The following MBP variants were observed in gnomAD, a reference collection of about 807,000 sequenced individuals.
MBP encodes myelin basic protein.
A neutral mutation model predicts 35.8 loss-of-function variants in MBP; 16 were observed. That is an observed-to-expected ratio of 0.45 (90% CI 0.30 to 0.68). MBP has a LOEUF of 0.68. Ranked by LOEUF, MBP falls within the 30% of genes least tolerant of loss-of-function variation. MBP has a pLI of 0.08. For missense variants in MBP, 380 were observed against 404.7 expected (o/e 0.94, Z 0.52); for synonymous variants, 143 against 159.6 (o/e 0.90, Z 0.78).
rs541129966 is a variant in MBP at position 77,128,330 on chromosome 18, C to T, written c.-26+4250G>A. The stretch of plus-strand genomic sequence containing the variant: ...TTCCATTTATAGAGCATTCTTAAAG[C>T]GACAAAATTATAGAAAATAGGAACC... On this transcript the variant is annotated intron_variant, in intron 1 of 8. Coordinates refer to ENST00000355994, the MANE Select transcript of MBP (RefSeq NM_001025101.2). 1.1e-4 allele frequency among the ~76,000 whole-genome samples: 17 copies of T among 152,162 alleles called. No homozygotes were observed. The East Asian group carries it at 1.9e-3, about 17-fold the overall frequency.
At chr18:77,056,657 C>T (rs971458087) in intron 3 of MBP, among the ~76,000 whole-genome samples, 8 of 152,196 alleles carry the variant, frequency 5.3e-5, no homozygotes, top group Non-Finnish European at 1.0e-4. Flanking sequence ...TCCCGCCTTT[C>T]GTTTCAGCAG....
chr18:77,099,964 G>A (rs1034080572), intron 2 of MBP, among the ~76,000 whole-genome samples: 2 of 152,246 alleles, frequency 1.3e-5, no homozygotes, highest in African/African-American at 4.8e-5. Context: ...CAGACATGGC[G>A]GCAAATGCCA....
intron 3 of MBP, among the ~76,000 whole-genome samples, chr18:77,022,490 G>A (rs947804333): frequency 1.3e-5 from 2 of 152,194 alleles, no homozygotes; most frequent in African/African-American, 4.8e-5. Flanking sequence ...GCACTGTAGT[G>A]TTTGAAAAAG....
chr18:77,126,438 C>T (rs1172004039), intron 1 of MBP, among the ~76,000 whole-genome samples: 1 of 152,174 alleles, frequency 6.6e-6, no homozygotes, highest in Non-Finnish European at 1.5e-5. Context: ...ATAGCTACAT[C>T]ATAATTGGTG....
Position 76,980,311 on chromosome 18 carries a change from C to A in MBP, c.*116G>T. The A allele has an allele frequency of 1.0e-6, 1 of 962,266 alleles. No individual in the cohort carries two copies. The highest frequency in any genetic ancestry group is 2.4e-5 in the East Asian group (1 of 41,934). The allele number at this position is 962,266 out of a possible 1,614,324, so 59.6% of individuals were successfully genotyped here. A position where few individuals can be genotyped will look rare whatever the true frequency, so the allele number is the denominator to read the frequency against. ...TGACCCTACTACGTGCACAACTCCG[C>A]AGGCATTAGGGGAGGGGTCATCTGC... On this transcript the variant is annotated 3_prime_UTR_variant, in exon 9 of 9. Coordinates refer to ENST00000355994, the MANE Select transcript of MBP (RefSeq NM_001025101.2).
chr18:77,044,585 CCTCCTCG>C lies in MBP; in HGVS notation c.139+21706_139+21712del, dbSNP rs1403416215. 6.6e-6 allele frequency among the ~76,000 whole-genome samples: 1 copy of C among 152,180 alleles called. No homozygotes were observed. The highest frequency in any genetic ancestry group is 6.5e-5 in the Admixed American group (1 of 15,288). Reference sequence around the variant, plus strand: ...ATCACTCGCCTCCCTACCCCACCTCCCTCCTCGCACCTGGGACGCAGGTGCCCTCCGG... The same window carrying C: ...ATCACTCGCCTCCCTACCCCACCTCCCACCTGGGACGCAGGTGCCCTCCGG... On this transcript the variant is annotated intron_variant, in intron 3 of 8. Transcript: ENST00000355994. This position sits in a 1 kb window ranked among gnomAD's most constrained non-coding sequence, Gnocchi z 4.4.
At chr18:77,109,865 G>A (rs1447577279) in intron 1 of MBP, 1 of 152,244 alleles carries the variant, frequency 6.6e-6, no homozygotes, top group Non-Finnish European at 1.5e-5. Context: ...ATAGGACACA[G>A]ATCACGCTTG....
intron 3 of MBP, among the ~76,000 whole-genome samples, chr18:77,052,164 G>C (rs114927362): frequency 0.012 from 1,888 of 152,242 alleles, 19 homozygotes; most frequent in Non-Finnish European, 0.016. Context: ...GGGAAGGAGC[G>C]GGGCGATCCA....
Position 76,980,317 on chromosome 18 carries a change from T to G in MBP, c.*110A>C. On this transcript the variant is annotated 3_prime_UTR_variant, in exon 9 of 9. Coordinates refer to ENST00000355994, the MANE Select transcript of MBP (RefSeq NM_001025101.2). Reference sequence around the variant, plus strand: ...TACTACGTGCACAACTCCGCAGGCATTAGGGGAGGGGTCATCTGCTCTAAT... The same window carrying G: ...TACTACGTGCACAACTCCGCAGGCAGTAGGGGAGGGGTCATCTGCTCTAAT... The G allele has an allele frequency of 4.1e-5, 41 of 993,072 alleles. No individual in the cohort carries two copies. Among genetic ancestry groups the G allele is most frequent in the Non-Finnish European group, 6.0e-5 (37 of 613,148 alleles). 61.5% of individuals were successfully genotyped at this position (993,072 alleles called of 1,614,324 possible).
chr18:77,016,681 C>G (rs1899443145), intron 4 of MBP, 151 bp downstream of exon 4: 1 of 1,444,636 alleles, frequency 6.9e-7, no homozygotes, highest in Non-Finnish European at 9.1e-7. Context: ...GGCCCACACT[C>G]TTGGGCTCAT....
At chr18:77,076,631 C>A (rs141951431) in intron 2 of MBP, among the ~76,000 whole-genome samples, 1 of 152,212 alleles carries the variant, frequency 6.6e-6, no homozygotes, top group Non-Finnish European at 1.5e-5. Flanking sequence ...ACTGTGCCAG[C>A]GGCTGTTTCA....
chr18:77,041,335 G>A (rs1972981314), intron 3 of MBP, among the ~76,000 whole-genome samples: 1 of 152,166 alleles, frequency 6.6e-6, no homozygotes, highest in East Asian at 1.9e-4. Flanking sequence ...TGGTGGGACT[G>A]TAAACTAGTT....
intron 2 of MBP, among the ~76,000 whole-genome samples, chr18:77,083,970 G>A (rs930750893): frequency 1.3e-4 from 19 of 151,884 alleles, no homozygotes; most frequent in South Asian, 4.2e-4. Context: ...CCTTAAGTGG[G>A]TGAATTGTAT....
chr18:77,111,072 T>C (rs1599261264), intron 1 of MBP, among the ~76,000 whole-genome samples: 1 of 152,292 alleles, frequency 6.6e-6, no homozygotes, highest in East Asian at 1.9e-4. Context: ...GACCTCTCGC[T>C]GGGTCTCGGG....
At chr18:77,093,670 T>G (rs972491104) in intron 2 of MBP, among the ~76,000 whole-genome samples, 1 of 152,212 alleles carries the variant, frequency 6.6e-6, no homozygotes, top group Non-Finnish European at 1.5e-5. Flanking sequence ...TTTGAGAGGC[T>G]GCTATCAAGG....
At chr18:77,016,238 C>G (rs1971623730) in intron 4 of MBP, 1 of 984,804 alleles carries the variant, frequency 1.0e-6, no homozygotes, top group Non-Finnish European at 1.2e-6. Context: ...TTAATGGAAT[C>G]ACAAGATAAT....
chr18:77,023,863 T>C (rs1332231192), intron 3 of MBP, among the ~76,000 whole-genome samples: 19 of 152,242 alleles, frequency 1.2e-4, no homozygotes. Context: ...ATATTTGCTT[T>C]GTTCTCTCCA....
At chr18:77,092,770 C>T (rs1483728407) in intron 2 of MBP, among the ~76,000 whole-genome samples, 1 of 152,170 alleles carries the variant, frequency 6.6e-6, no homozygotes, top group Admixed American at 6.5e-5. Context: ...TAGCCAGACC[C>T]CTCGGAGAAG....
At chr18:77,012,296 T>C (rs577871032) in intron 4 of MBP, among the ~76,000 whole-genome samples, 1 of 152,342 alleles carries the variant, frequency 6.6e-6, no homozygotes, top group South Asian at 2.1e-4. Context: ...CTGTGGGCAC[T>C]GGCACCCATG....
Sources: allele counts gnomAD v4.1 joint callset (sites outside exome capture counted in the v4.1 genomes callset), GRCh38; gene constraint gnomAD v4.1.1; non-coding constraint Gnocchi (gnomAD v3.1); transcripts MANE v1.5; gene names NCBI Gene and HGNC (gene_info 2026-07-23, HGNC 2026-07-21).